Variants in CRYBG3 observed in about 807,000 individuals in gnomAD.
CRYBG3 encodes the protein very large A-kinase anchor protein.
A neutral mutation model predicts 244.2 loss-of-function variants in CRYBG3; 127 were observed. That is an observed-to-expected ratio of 0.52 (90% confidence interval 0.45 to 0.60). CRYBG3 has a LOEUF of 0.60. CRYBG3 is among the 20% of genes least tolerant of loss of function. The probability of loss-of-function intolerance (pLI) is 0.00; values close to 1 mark genes in which losing one functional copy is unlikely to be tolerated. For synonymous variants in CRYBG3, 1,132 were observed against 1,195.8 expected (o/e 0.95, Z 1.10); for missense variants, 3,325 against 3,442.5 (o/e 0.97, Z 0.85).
chr3:97,892,907 T>C lies in CRYBG3; in HGVS notation c.7488T>C (p.Phe2496=), dbSNP rs2108233812. The C allele has an allele frequency of 6.3e-7, 1 of 1,576,804 alleles. No individual in the cohort carries two copies. Among genetic ancestry groups the C allele is most frequent in the Non-Finnish European group, 8.7e-7 (1 of 1,153,202 alleles). Residue 2496 remains phenylalanine (F), a synonymous_variant, in exon 11 of 22, where the codon TTT becomes TTC. Coordinates refer to ENST00000389622, the MANE Select transcript of CRYBG3 (RefSeq NM_153605.4). ...KPHFHGQAKE[F]SEHIDSVPNF... ...ACTTCCATGGACAGGCTAAAGAGTTTAGTGAACATATAGATTCTGTTCCTA... is the reference window on the plus strand; with the variant it reads ...ACTTCCATGGACAGGCTAAAGAGTTCAGTGAACATATAGATTCTGTTCCTA...
At chr3:97,881,660 C>T (rs1369948448) in intron 7 of CRYBG3, among the ~76,000 whole-genome samples, 1 of 151,802 alleles carries the variant, frequency 6.6e-6, no homozygotes, top group Non-Finnish European at 1.5e-5. Flanking sequence ...AGGTTGCAGT[C>T]AATCAGGATC....
At position 97,849,762 on chromosome 3, in the gene CRYBG3, A is replaced by G. The variant is rs149228474; in HGVS notation, c.216+6501A>G. Among the ~76,000 whole-genome samples the G allele has an allele frequency of 7.2e-3, 1,091 of 152,316 alleles. 14 individuals are homozygous for G. Among genetic ancestry groups the G allele is most frequent in the African/African-American group, 0.024 (1,011 of 41,580 alleles). On this transcript the variant is annotated intron_variant, in intron 2 of 21. Coordinates refer to ENST00000389622, the MANE Select transcript of CRYBG3 (RefSeq NM_153605.4). ...GAGAAAATTTGCCTTTACAGGTGTCAGATACTGATTCTGGAACACGAGAGT... is the reference window on the plus strand; with the variant it reads ...GAGAAAATTTGCCTTTACAGGTGTCGGATACTGATTCTGGAACACGAGAGT...
intron 1 of CRYBG3, among the ~76,000 whole-genome samples, chr3:97,834,070 C>A (rs989810377): frequency 6.6e-5 from 10 of 152,232 alleles, no homozygotes; most frequent in Admixed American, 1.3e-4. Context: ...GATTCACCCC[C>A]ATGACCCAAA....
At chr3:97,837,175 T>C (rs1231071694) in intron 1 of CRYBG3, 1 of 152,186 alleles carries the variant, frequency 6.6e-6, no homozygotes, top group Non-Finnish European at 1.5e-5. Flanking sequence ...GATCTCATCT[T>C]GTTCTGCATT....
intron 10 of CRYBG3, 38 bp downstream of exon 10, chr3:97,889,428 T>C (rs1038186462): frequency 2.0e-6 from 3 of 1,506,306 alleles, no homozygotes; most frequent in African/African-American, 1.4e-5. Context: ...GGCTAAAGAG[T>C]CTCAGGATTA....
chr3:97,915,800 A>C, intron 17 of CRYBG3, 64 bp downstream of exon 17: 1 of 1,236,962 alleles, frequency 8.1e-7, no homozygotes, highest in East Asian at 2.5e-5. Flanking sequence ...ATTACCACCA[A>C]TGATAATGTG....
chr3:97,854,259 T>A (rs988462084), intron 2 of CRYBG3, among the ~76,000 whole-genome samples: 1 of 152,194 alleles, frequency 6.6e-6, no homozygotes, highest in African/African-American at 2.4e-5. Context: ...AAGTGATGCC[T>A]CCAGATTTGT....
chr3:97,853,763 T>G (rs2039023087), intron 2 of CRYBG3, among the ~76,000 whole-genome samples: 1 of 152,070 alleles, frequency 6.6e-6, no homozygotes, highest in African/African-American at 2.4e-5. Context: ...TTGCCATACT[T>G]AAATATTGTG....
intron 11 of CRYBG3, among the ~76,000 whole-genome samples, chr3:97,895,743 A>AG (rs1404761282): frequency 4.6e-5 from 7 of 152,216 alleles, no homozygotes; most frequent in African/African-American, 1.7e-4. Context: ...GCAGTTCTAT[A>AG]ATTAACCTTT....
chr3:97,922,781 G>A (rs1184545147), intron 17 of CRYBG3, among the ~76,000 whole-genome samples: 4 of 152,168 alleles, frequency 2.6e-5, no homozygotes, highest in East Asian at 1.9e-4. Context: ...ACAGTGTGGC[G>A]ATTCCTCAAG....
intron 1 of CRYBG3, among the ~76,000 whole-genome samples, chr3:97,838,351 A>G (rs2038764201): frequency 6.6e-6 from 1 of 152,120 alleles, no homozygotes; most frequent in South Asian, 2.1e-4. Flanking sequence ...CTCTACAGCT[A>G]TCAGTTGTTG....
At chr3:97,826,689 G>C (rs2038581365) in intron 1 of CRYBG3, among the ~76,000 whole-genome samples, 1 of 152,214 alleles carries the variant, frequency 6.6e-6, no homozygotes, top group Non-Finnish European at 1.5e-5. Context: ...CTTTGAGTCT[G>C]TTCAATCCAT....
rs754418051 is a variant in CRYBG3 at position 97,877,255 on chromosome 3, A to C, written c.6061A>C (p.Thr2021Pro). 1.6e-5 allele frequency: 26 copies of C among 1,613,828 alleles called. No homozygotes were observed. The highest frequency in any genetic ancestry group is 2.2e-5 in the Non-Finnish European group (26 of 1,179,886). The change falls in exon 4 of 22, where the codon ACA becomes CCA. Residue 2021 changes from threonine to proline, a missense_variant. Physicochemically the swap from Thr to Pro is conservative, Grantham distance 38 (BLOSUM62 -1). Transcript: ENST00000389622. ...GTATGCTTCCGCAGAAGCAAGACAA[A>C]CACAGTCTGTCTTGTTTCATGATAC... ...DKYASAEARQ[T>P]QSVLFHDTSA...
chr3:97,890,921 G>T (rs1397655850), intron 10 of CRYBG3, among the ~76,000 whole-genome samples: 1 of 152,102 alleles, frequency 6.6e-6, no homozygotes, highest in African/African-American at 2.4e-5. Context: ...ATCCAAATTT[G>T]AAGTAAATGC....
rs146224719 is a variant in CRYBG3, at chr3:97,829,178, G to A, written c.149+6823G>A. On this transcript the variant is annotated intron_variant, in intron 1 of 21. Coordinates refer to ENST00000389622, the MANE Select transcript of CRYBG3 (RefSeq NM_153605.4). ...ATCCTGAGTTGGCAAAAATCCTCCA[G>A]AGAGAGAATGCACTACATTAACTTA... 5.9e-5 allele frequency among the ~76,000 whole-genome samples: 9 copies of A among 152,320 alleles called. 1 individual carries two copies. Among genetic ancestry groups the A allele is most frequent in the African/African-American group, 2.2e-4 (9 of 41,584 alleles).
At chr3:97,881,830 T>C (rs539324075) in intron 7 of CRYBG3, among the ~76,000 whole-genome samples, 2 of 152,142 alleles carry the variant, frequency 1.3e-5, no homozygotes, top group Non-Finnish European at 2.9e-5. Flanking sequence ...TCTCCTATAA[T>C]AGTATACTAT....
intron 1 of CRYBG3, among the ~76,000 whole-genome samples, chr3:97,836,108 G>C (rs2038729573): frequency 6.6e-6 from 1 of 152,044 alleles, no homozygotes; most frequent in South Asian, 2.1e-4. Context: ...AAATAAGTCA[G>C]CCTCAAGGTA....
rs116821309 is a variant in CRYBG3, at chr3:97,840,441, T to G, written c.150-2754T>G. On this transcript the variant is annotated intron_variant, in intron 1 of 21. Transcript: ENST00000389622. Reference sequence around the variant, plus strand: ...AGTGAGAATTTTAAGAAATATCAAGTAATATTTCTTTTGGTGATTTTAACT... The same window carrying G: ...AGTGAGAATTTTAAGAAATATCAAGGAATATTTCTTTTGGTGATTTTAACT... Among the ~76,000 whole-genome samples the G allele has an allele frequency of 3.4e-3, 515 of 152,232 alleles. 1 individual carries two copies. The highest frequency in any genetic ancestry group is 0.012 in the African/African-American group (494 of 41,552).
In CRYBG3 at chr3:97,872,362, C is replaced by T. The variant is rs911852632; in HGVS notation, c.1168C>T (p.Arg390Cys). 20 of 1,535,708 alleles carry T rather than the reference C, an allele frequency of 1.3e-5. No individual in the cohort carries two copies. The highest frequency in any genetic ancestry group is 9.8e-5 in the Admixed American group (5 of 50,936). ...AGCATTGTTAACAGGAAGTAACCAT[C>T]GCAAAGTCCCTTGCAGCCCAGATTT... ...CSALLTGSNH[R>C]KVPCSPDFQR... Residue 390 changes from arginine (R) to cysteine (C), a missense_variant, in exon 4 of 22, where the codon CGC becomes TGC. Around this residue, in one of 4 missense-constraint regions of CRYBG3, gnomAD observed 1,526 missense variants for 1,443.2 expected, o/e 1.06. Coordinates refer to ENST00000389622, the MANE Select transcript of CRYBG3 (RefSeq NM_153605.4).
Sources: gnomAD v4.1 joint callset for allele counts (sites outside exome capture counted in the v4.1 genomes callset) on GRCh38, gnomAD v4.1.1 for gene constraint, gnomAD v4.1.1 regional missense constraint, MANE v1.5 for transcripts, NCBI Gene and HGNC (gene_info 2026-07-23, HGNC 2026-07-21) for gene names.